The following SNX5 variants were observed in gnomAD, a reference collection of about 807,000 sequenced individuals.
SNX5 encodes the protein sorting nexin-5.
SNX5 carries 31 observed loss-of-function variants against 53.9 expected under a neutral mutation model. The ratio of observed to expected loss-of-function variants is 0.58; its 90% CI spans 0.43 to 0.78. SNX5 has a LOEUF of 0.78. Ranked by LOEUF, SNX5 falls within the 30% of genes least tolerant of loss-of-function variation. SNX5 has a pLI of 0.00. For missense variants in SNX5, 471 were observed against 478.8 expected (o/e 0.98, Z 0.15); for synonymous variants, 168 against 171.1 (o/e 0.98, Z 0.14).
rs992134825 is a variant in SNX5 at position 17,968,642 on chromosome 20, T to G, written c.-217A>C. ...CGCCACGTGCTCCCCCAGAGCAGCC[T>G]CCCAGTCCCCGCTGCCGTCCATCTT... is the stretch of plus-strand genomic sequence containing the variant. On this transcript the variant is annotated 5_prime_UTR_variant, in exon 1 of 13. Transcript: ENST00000377759. The G allele has an allele frequency of 3.3e-5, 20 of 614,060 alleles. No individual in the cohort carries two copies. The highest frequency in any genetic ancestry group is 5.3e-5 in the Non-Finnish European group (18 of 338,928). The allele number at this position is 614,060 out of a possible 1,614,324, so 38.0% of individuals were successfully genotyped here. A position where few individuals can be genotyped will look rare whatever the true frequency, so the allele number is the denominator to read the frequency against.
rs755301238 is a variant in SNX5, at chr20:17,955,405, T to C, written c.227A>G (p.His76Arg). The change falls in exon 3 of 13, where the codon CAT becomes CGT. Residue 76 changes from histidine (H) to arginine (R), a missense_variant. Coordinates refer to ENST00000377759, the MANE Select transcript of SNX5 (RefSeq NM_014426.4). ...TRQHEDFVWL[H>R]DTLIETTDYA... ...GTCTGTTGTTTCAATAAGAGTGTCA[T>C]GTAGCCACACAAAGTCTTCATGTTG... 1.8e-5 allele frequency: 29 copies of C among 1,613,966 alleles called. No individual in the cohort carries two copies. The East Asian group carries it at 3.6e-4, about 20-fold the overall frequency.
intron 8 of SNX5, 71 bp from the exon 9 acceptor site, chr20:17,949,174 A>G: frequency 7.6e-7 from 1 of 1,311,136 alleles, no homozygotes; most frequent in Admixed American, 1.8e-5. Flanking sequence ...CCAGTGTGCA[A>G]GACAGGAATG....
chr20:17,954,351 T>A (rs778023438), intron 3 of SNX5: 2 of 484,280 alleles, frequency 4.1e-6, no homozygotes, highest in Non-Finnish European at 7.0e-6. Flanking sequence ...GTTCAGTTTA[T>A]CCATTATAGA....
intron 11 of SNX5, chr20:17,947,171 A>G (rs546162582): frequency 4.2e-6 from 1 of 238,494 alleles, no homozygotes; most frequent in African/African-American, 2.3e-5. Flanking sequence ...TAAGTTTATC[A>G]CAGCAAACAA....
chr20:17,965,432 A>G (rs1226530200), intron 1 of SNX5, among the ~76,000 whole-genome samples: 2 of 152,218 alleles, frequency 1.3e-5, no homozygotes, highest in African/African-American at 2.4e-5. Context: ...AAAACTTAAC[A>G]GCCTTGGCCA....
chr20:17,960,882 G>A (rs1404741834), intron 1 of SNX5, among the ~76,000 whole-genome samples: 2 of 151,964 alleles, frequency 1.3e-5, no homozygotes, highest in Non-Finnish European at 2.9e-5. Flanking sequence ...TTAAAAACCT[G>A]ACTTTTGTAG....
At chr20:17,951,641 T>A (rs986903188) in intron 5 of SNX5, 46 bp from the exon 6 acceptor site, 5 of 1,297,680 alleles carry the variant, frequency 3.9e-6, no homozygotes, top group Non-Finnish European at 5.6e-6. Flanking sequence ...TGGATTTTTC[T>A]AGATTCTCTT....
intron 1 of SNX5, among the ~76,000 whole-genome samples, chr20:17,959,855 C>T (rs2035420243): frequency 1.3e-5 from 2 of 152,148 alleles, no homozygotes; most frequent in Admixed American, 6.5e-5. Context: ...TGCTACAGAA[C>T]TTGCTAAATA....
intron 11 of SNX5, among the ~76,000 whole-genome samples, chr20:17,946,347 T>A (rs947485983): frequency 6.6e-6 from 1 of 152,194 alleles, no homozygotes; most frequent in Non-Finnish European, 1.5e-5. Flanking sequence ...AAAAGAACCC[T>A]GGCTCCTTGA....
At chr20:17,950,778 T>C (rs2039555714) in intron 6 of SNX5, among the ~76,000 whole-genome samples, 1 of 152,240 alleles carries the variant, frequency 6.6e-6, no homozygotes, top group Non-Finnish European at 1.5e-5. Flanking sequence ...AATCCTGGTA[T>C]CTGGTAGGCA....
chr20:17,961,845 C>T (rs138375982), intron 1 of SNX5: 152 of 985,430 alleles, frequency 1.5e-4, no homozygotes, highest in Middle Eastern at 1.0e-3. Flanking sequence ...AGCCAAGAAG[C>T]CTGCCTCCTT....
intron 5 of SNX5, among the ~76,000 whole-genome samples, chr20:17,952,130 G>A (rs968693236): frequency 6.6e-6 from 1 of 152,160 alleles, no homozygotes; most frequent in Non-Finnish European, 1.5e-5. Flanking sequence ...GGCTGAGGCA[G>A]GAGAATGGCG....
At chr20:17,957,839 G>A (rs2035387034) in intron 1 of SNX5, among the ~76,000 whole-genome samples, 1 of 152,116 alleles carries the variant, frequency 6.6e-6, no homozygotes, top group African/African-American at 2.4e-5. Flanking sequence ...CTAGACAGGA[G>A]GGGTGAATTA....
intron 3 of SNX5, among the ~76,000 whole-genome samples, chr20:17,954,916 T>G (rs55981157): frequency 0.11 from 16,482 of 152,230 alleles, 983 homozygotes; most frequent in Middle Eastern, 0.19. Flanking sequence ...CTCATCATGT[T>G]GCCCAGGCAC....
At chr20:17,950,424 A>C in intron 6 of SNX5, 28 bp from the exon 7 acceptor site, 1 of 1,254,048 alleles carries the variant, frequency 8.0e-7, no homozygotes, top group Non-Finnish European at 1.2e-6. Context: ...AGAACCAGAC[A>C]TTTCATGAAA....
intron 2 of SNX5, among the ~76,000 whole-genome samples, chr20:17,956,110 C>G (rs2035351613): frequency 2.0e-5 from 3 of 152,056 alleles, no homozygotes; most frequent in Admixed American, 2.0e-4. Context: ...GAATTTACCC[C>G]CCACCCCCAA....
chr20:17,960,340 A>C (rs1034474054), intron 1 of SNX5, among the ~76,000 whole-genome samples: 7 of 152,156 alleles, frequency 4.6e-5, no homozygotes, highest in Non-Finnish European at 1.0e-4. Flanking sequence ...TCACGCCTGT[A>C]ATCCCAGCAC....
chr20:17,966,294 A>C (rs1600359986), intron 1 of SNX5, among the ~76,000 whole-genome samples: 1 of 152,012 alleles, frequency 6.6e-6, no homozygotes, highest in Non-Finnish European at 1.5e-5. Context: ...CTGAGGCAGG[A>C]GAATCGCTTG....
At chr20:17,943,000 T>C in intron 12 of SNX5, 110 bp downstream of exon 12, 3 of 740,090 alleles carry the variant, frequency 4.1e-6, no homozygotes, top group Non-Finnish European at 7.2e-6. Context: ...CTACAGACGA[T>C]TAATACCACA....
Sources: allele counts gnomAD v4.1 joint callset (sites outside exome capture counted in the v4.1 genomes callset), GRCh38; gene constraint gnomAD v4.1.1; transcripts MANE v1.5; gene names NCBI Gene and HGNC (gene_info 2026-07-23, HGNC 2026-07-21).